ARMH4: variants seen among roughly 807,000 people sequenced by gnomAD.
ARMH4 encodes the protein armadillo like helical domain containing 4, also known as armadillo-like helical domain-containing protein 4.
ARMH4 carries 49 observed loss-of-function variants against 61.9 expected under a neutral mutation model. That is an observed-to-expected ratio of 0.79 (90% confidence interval 0.63 to 1.00). The LOEUF (loss-of-function observed/expected upper bound fraction) is 1.00, where lower values mean the gene tolerates loss of function less well. Among genes scored for constraint, ARMH4 ranks in the 50% least tolerant of loss-of-function variants. The pLI is 0.00. For missense variants in ARMH4, 934 were observed against 930.0 expected, an observed-to-expected ratio of 1.00 and a Z score of -0.06; for synonymous variants, 368 against 341.5, an observed-to-expected ratio of 1.08 and a Z score of -0.85.
chr14:58,086,106 A>G (rs1885369346), intron 5 of ARMH4, among the ~76,000 whole-genome samples: 1 of 152,188 alleles, frequency 6.6e-6, no homozygotes, highest in African/African-American at 2.4e-5. Flanking sequence ...TTATGTCTAT[A>G]AAGCCACCTA....
At chr14:58,069,227 T>C (rs1594737475) in intron 5 of ARMH4, among the ~76,000 whole-genome samples, 1 of 152,326 alleles carries the variant, frequency 6.6e-6, no homozygotes, top group South Asian at 2.1e-4. Context: ...TGATATCCAC[T>C]TCCACCCATG....
chr14:58,004,838 T>G, intron 7 of ARMH4, 34 bp from the exon 8 acceptor site: 1 of 1,592,054 alleles, frequency 6.3e-7, no homozygotes, highest in Non-Finnish European at 8.6e-7. Flanking sequence ...ATTAAACTCT[T>G]TCTGCCACAG....
intron 5 of ARMH4, among the ~76,000 whole-genome samples, chr14:58,047,139 ATCAT>A (rs1207208837): frequency 3.9e-5 from 6 of 152,230 alleles, no homozygotes; most frequent in Non-Finnish European, 8.8e-5. Flanking sequence ...TATCATGGTC[ATCAT>A]TGCATAATAA....
At chr14:58,088,417 C>T (rs1304436913) in intron 5 of ARMH4, among the ~76,000 whole-genome samples, 3 of 151,650 alleles carry the variant, frequency 2.0e-5, no homozygotes, top group Non-Finnish European at 4.4e-5. Flanking sequence ...ATCATTATCT[C>T]TGCTTTAAAC....
At chr14:58,139,931 T>C (rs1044086305) in intron 1 of ARMH4, among the ~76,000 whole-genome samples, 15 of 152,154 alleles carry the variant, frequency 9.9e-5, no homozygotes. Flanking sequence ...AAGTGATGAC[T>C]TCATGAGGAC....
At chr14:58,046,200 T>C (rs1220821678) in intron 5 of ARMH4, among the ~76,000 whole-genome samples, 1 of 152,174 alleles carries the variant, frequency 6.6e-6, no homozygotes, top group Non-Finnish European at 1.5e-5. Context: ...CCCACGGTAA[T>C]GGACCAGGTT....
intron 4 of ARMH4, among the ~76,000 whole-genome samples, chr14:58,118,168 G>A (rs892483799): frequency 6.6e-6 from 1 of 152,138 alleles, no homozygotes; most frequent in African/African-American, 2.4e-5. Context: ...ATAGCTCCCT[G>A]TTTATGGAGC....
chr14:58,058,431 T>A (rs1884418942), intron 5 of ARMH4, among the ~76,000 whole-genome samples: 1 of 152,094 alleles, frequency 6.6e-6, no homozygotes, highest in Non-Finnish European at 1.5e-5. Flanking sequence ...TGCTTGGCTA[T>A]TTTTATGTTT....
At chr14:58,013,263 C>T (rs1447756401) in intron 5 of ARMH4, among the ~76,000 whole-genome samples, 1 of 152,068 alleles carries the variant, frequency 6.6e-6, no homozygotes, top group Non-Finnish European at 1.5e-5. Context: ...ACAAAAGTGG[C>T]CGTAGACAAT....
chr14:58,081,861 G>A (rs1157832429), intron 5 of ARMH4, among the ~76,000 whole-genome samples: 1 of 151,654 alleles, frequency 6.6e-6, no homozygotes, highest in African/African-American at 2.4e-5. Context: ...AGGTAGTCAT[G>A]TTGGGATTTT....
At chr14:58,040,637 G>C (rs2141181330) in intron 5 of ARMH4, among the ~76,000 whole-genome samples, 1 of 152,206 alleles carries the variant, frequency 6.6e-6, no homozygotes, top group Non-Finnish European at 1.5e-5. Context: ...ATGTACTTGT[G>C]TCTTTATGAT....
rs919948244 is a variant in ARMH4 at position 58,036,041 on chromosome 14, C to T, written c.2090-23891G>A. 4.7e-4 allele frequency among the ~76,000 whole-genome samples: 60 copies of T among 126,764 alleles called. 4 individuals carry two copies. Among genetic ancestry groups the T allele is most frequent in the African/African-American group, 1.7e-3 (59 of 34,372 alleles). 83.2% of individuals were successfully genotyped at this position (126,764 alleles called of 152,430 possible). On this transcript the variant is annotated intron_variant, in intron 5 of 7. Coordinates refer to ENST00000267485, the MANE Select transcript of ARMH4 (RefSeq NM_001001872.4). The stretch of plus-strand genomic sequence containing the variant: ...CAGAAAAAGAGGGAATCCTCCCTAA[C>T]TCATTTTATGAGGCCAGCATCATTC...
intron 4 of ARMH4, among the ~76,000 whole-genome samples, chr14:58,111,817 C>T (rs142276882): frequency 9.9e-4 from 150 of 152,136 alleles, no homozygotes; most frequent in African/African-American, 3.3e-3. Flanking sequence ...CTCAGCCTCC[C>T]GAGTAGCTAG....
chr14:58,118,029 G>A (rs977890857), intron 4 of ARMH4, among the ~76,000 whole-genome samples: 1 of 152,134 alleles, frequency 6.6e-6, no homozygotes, highest in Non-Finnish European at 1.5e-5. Flanking sequence ...CTCCCAAAGT[G>A]CTGGGAGAGA....
chr14:58,140,274 T>TG (rs1566601534), intron 1 of ARMH4, among the ~76,000 whole-genome samples: 3 of 72,324 alleles, frequency 4.1e-5, no homozygotes, highest in Admixed American at 2.4e-4. Context: ...AAACTCCATC[T>TG]CAAAAAAAAA....
chr14:58,034,243 A>C (rs1406589951), intron 5 of ARMH4, among the ~76,000 whole-genome samples: 7 of 134,218 alleles, frequency 5.2e-5, no homozygotes. Flanking sequence ...AGTGGGGGCC[A>C]ATATTCAACA....
intron 4 of ARMH4, among the ~76,000 whole-genome samples, chr14:58,106,083 A>G (rs903419050): frequency 1.3e-5 from 2 of 152,288 alleles, no homozygotes; most frequent in African/African-American, 4.8e-5. Flanking sequence ...ACTCCCAAAC[A>G]CATAATCCAC....
chr14:58,043,462 A>G (rs998519806), intron 5 of ARMH4, among the ~76,000 whole-genome samples: 2 of 152,238 alleles, frequency 1.3e-5, no homozygotes, highest in South Asian at 2.1e-4. Flanking sequence ...TCTCAAAATA[A>G]TAAGAGCTAT....
chr14:58,017,368 A>G (rs1465368921), intron 5 of ARMH4, among the ~76,000 whole-genome samples: 1 of 152,186 alleles, frequency 6.6e-6, no homozygotes, highest in Non-Finnish European at 1.5e-5. Context: ...ACATAATCTT[A>G]TTTGTATAAA....
Sources: gnomAD v4.1 joint callset for allele counts (sites outside exome capture counted in the v4.1 genomes callset) on GRCh38, gnomAD v4.1.1 for gene constraint, MANE v1.5 for transcripts, NCBI Gene and HGNC (gene_info 2026-07-23, HGNC 2026-07-21) for gene names.